DIP2C: variants seen among roughly 807,000 people sequenced by gnomAD.
DIP2C encodes the protein DIP2 acetate--CoA ligase C (putative).
A neutral mutation model predicts 192.4 loss-of-function variants in DIP2C; 33 were observed. The observed-to-expected ratio is 0.17, with a 90% CI of 0.13 to 0.23. The LOEUF (loss-of-function observed/expected upper bound fraction) is 0.23, where lower values mean the gene tolerates loss of function less well. Ranked by LOEUF, DIP2C falls within the 10% of genes least tolerant of loss-of-function variation. The pLI, the probability that DIP2C is intolerant of heterozygous loss-of-function variation, is 1.00. For synonymous variants in DIP2C, 979 were observed against 864.1 expected (o/e 1.13, Z -2.33); for missense variants, 1,537 against 2,110.1 (o/e 0.73, Z 5.32).
chr10:331,809 G>T (rs1180159304), intron 29 of DIP2C, among the ~76,000 whole-genome samples: 1 of 152,104 alleles, frequency 6.6e-6, no homozygotes, highest in African/African-American at 2.4e-5. Flanking sequence ...GCACATAAGG[G>T]GTGAATATCA....
chr10:283,668 C>T (rs144161619), intron 34 of DIP2C, among the ~76,000 whole-genome samples: 297 of 152,232 alleles, frequency 2.0e-3, no homozygotes, highest in African/African-American at 6.5e-3. Flanking sequence ...AGCAACCAGC[C>T]AAGGCATCCC....
chr10:312,667 G>A (rs545526808), intron 31 of DIP2C, among the ~76,000 whole-genome samples: 3 of 152,104 alleles, frequency 2.0e-5, no homozygotes, highest in Non-Finnish European at 2.9e-5. Context: ...ACTTCTCTAG[G>A]GTAATTATGG....
chr10:564,901 TTC>T (rs1396551020), intron 1 of DIP2C, among the ~76,000 whole-genome samples: 1 of 152,166 alleles, frequency 6.6e-6, no homozygotes, highest in African/African-American at 2.4e-5. Context: ...GTAGAAATCT[TTC>T]TTCTCTGTGT....
intron 1 of DIP2C, among the ~76,000 whole-genome samples, chr10:519,458 T>TA (rs1248797334): frequency 1.3e-5 from 2 of 152,296 alleles, no homozygotes; most frequent in African/African-American, 4.8e-5. Context: ...CCGCGTGGTA[T>TA]TGGATATGGC....
chr10:548,214 C>CCCA lies in DIP2C; in HGVS notation c.86-61685_86-61684insTGG, dbSNP rs1554897816. On this transcript the variant is annotated intron_variant, in intron 1 of 36. Coordinates refer to ENST00000280886, the MANE Select transcript of DIP2C (RefSeq NM_014974.3). Reference sequence around the variant, plus strand: ...ATTCACACGAGTCTGCCCCACCCCCCCCCCCACAGGAAAGCCCTGGTGGTC... The same window carrying CCCA: ...ATTCACACGAGTCTGCCCCACCCCCCCCACCCCCACAGGAAAGCCCTGGTGGTC... 2.0e-4 allele frequency among the ~76,000 whole-genome samples: 24 copies of CCCA among 123,062 alleles called. 1 individual carries two copies. The South Asian group carries it at 4.1e-3, about 21-fold the overall frequency. The allele number at this position is 123,062 out of a possible 152,430, so 80.7% of individuals were successfully genotyped here. A position where few individuals can be genotyped will look rare whatever the true frequency, so the allele number is the denominator to read the frequency against.
intron 3 of DIP2C, among the ~76,000 whole-genome samples, chr10:443,681 C>G (rs751835781): frequency 6.6e-6 from 1 of 152,214 alleles, no homozygotes; most frequent in South Asian, 2.1e-4. Context: ...CCATTCCAGG[C>G]TTTGGCCTTT....
intron 4 of DIP2C, among the ~76,000 whole-genome samples, chr10:423,753 C>T (rs572346425): frequency 2.7e-4 from 41 of 152,270 alleles, no homozygotes; most frequent in African/African-American, 9.9e-4. Flanking sequence ...CATACAGTTC[C>T]TTAAGGATCA....
At chr10:309,805 C>A (rs935094246) in intron 32 of DIP2C, among the ~76,000 whole-genome samples, 1 of 152,116 alleles carries the variant, frequency 6.6e-6, no homozygotes, top group African/African-American at 2.4e-5. Context: ...CCTACCTCAG[C>A]CTCCCAAATA....
intron 32 of DIP2C, among the ~76,000 whole-genome samples, chr10:298,955 T>G (rs897598916): frequency 2.6e-5 from 4 of 152,250 alleles, no homozygotes; most frequent in Non-Finnish European, 5.9e-5. Context: ...CTAGAAAGAC[T>G]TGAAAAATAA....
intron 31 of DIP2C, among the ~76,000 whole-genome samples, chr10:312,496 G>C (rs546173134): frequency 6.6e-5 from 10 of 152,314 alleles, no homozygotes; most frequent in African/African-American, 2.4e-4. Context: ...AGAGACAGCA[G>C]CTGCAGCAGT....
intron 16 of DIP2C, 108 bp downstream of exon 16, chr10:383,919 C>G: frequency 3.7e-6 from 5 of 1,350,932 alleles, no homozygotes; most frequent in Non-Finnish European, 4.8e-6. Context: ...AAGAATGAAA[C>G]CTGGGGAAAA....
chr10:646,461 G>C (rs1469564118), intron 1 of DIP2C, among the ~76,000 whole-genome samples: 1 of 152,226 alleles, frequency 6.6e-6, no homozygotes, highest in Non-Finnish European at 1.5e-5. Context: ...AGAGGGGACG[G>C]GTGGCGACCG....
intron 1 of DIP2C, among the ~76,000 whole-genome samples, chr10:535,809 G>A (rs543815344): frequency 6.6e-6 from 1 of 152,296 alleles, no homozygotes; most frequent in East Asian, 1.9e-4. Flanking sequence ...GTTAACTCCA[G>A]GAAATACGAC....
intron 1 of DIP2C, among the ~76,000 whole-genome samples, chr10:532,770 G>A (rs1847489875): frequency 6.6e-6 from 1 of 151,142 alleles, no homozygotes; most frequent in Non-Finnish European, 1.5e-5. Flanking sequence ...AGAGAGTATG[G>A]GTGTGTGAGA....
chr10:339,656 A>AT (rs1958047824), intron 29 of DIP2C, among the ~76,000 whole-genome samples: 1 of 152,124 alleles, frequency 6.6e-6, no homozygotes, highest in Non-Finnish European at 1.5e-5. Context: ...CTTGGCGCAT[A>AT]TACCTGAGGC....
chr10:474,571 T>TCACC (rs35800087), intron 2 of DIP2C, among the ~76,000 whole-genome samples: 1 of 151,902 alleles, frequency 6.6e-6, no homozygotes, highest in South Asian at 2.1e-4. Context: ...CTGTGGCTGC[T>TCACC]GTGTTGGTCA....
chr10:630,721 G>A lies in DIP2C; in HGVS notation c.85+58773C>T, dbSNP rs576368781. ...AGGAAACAGACCAGGTGGCAGGAGG[G>A]AGTCTTGTCCTCAAGGAACCTCATA... On this transcript the variant is annotated intron_variant, in intron 1 of 36. Transcript: ENST00000280886. The A allele has an allele frequency of 2.0e-5, 3 of 152,414 alleles. No homozygotes were observed. In the East Asian group the frequency reaches 5.8e-4, roughly 29 times the overall value. The allele number at this position is 152,414 out of a possible 1,614,324, so 9.4% of individuals were successfully genotyped here. A position where few individuals can be genotyped will look rare whatever the true frequency, so the allele number is the denominator to read the frequency against.
intron 22 of DIP2C, among the ~76,000 whole-genome samples, chr10:359,149 A>G (rs975667528): frequency 6.6e-6 from 1 of 152,160 alleles, no homozygotes; most frequent in Non-Finnish European, 1.5e-5. Context: ...GGATGAGCCC[A>G]TCACCATGAC....
At chr10:498,713 T>TC (rs1845026323) in intron 1 of DIP2C, among the ~76,000 whole-genome samples, 1 of 152,004 alleles carries the variant, frequency 6.6e-6, no homozygotes, top group Admixed American at 6.6e-5. Context: ...CCAACCTCCA[T>TC]CCCCAAGTAC....
Sources: gnomAD v4.1 joint callset for allele counts (sites outside exome capture counted in the v4.1 genomes callset) on GRCh38, gnomAD v4.1.1 for gene constraint, MANE v1.5 for transcripts, NCBI Gene and HGNC (gene_info 2026-07-23, HGNC 2026-07-21) for gene names.